The following TRUB2 variants were observed in gnomAD, a reference collection of about 807,000 sequenced individuals.
TRUB2 encodes the protein TruB pseudouridine synthase family member 2, also known as pseudouridylate synthase TRUB2, mitochondrial.
In TRUB2, 31 loss-of-function variants were observed where a neutral mutation model predicts 31.9. The ratio of observed to expected loss-of-function variants is 0.97; its 90% CI spans 0.73 to 1.31. The LOEUF (loss-of-function observed/expected upper bound fraction) is 1.31, where lower values mean the gene tolerates loss of function less well. Ranked by LOEUF, TRUB2 falls within the 50% of genes most tolerant of loss-of-function variation. TRUB2 has a pLI of 0.00. For missense variants in TRUB2, 451 were observed against 439.6 expected (o/e 1.03, Z -0.23); for synonymous variants, 201 against 182.6 (o/e 1.10, Z -0.81).
intron 2 of TRUB2, among the ~76,000 whole-genome samples, chr9:128,318,990 T>C (rs1006673378): frequency 6.6e-6 from 1 of 151,948 alleles, no homozygotes; most frequent in South Asian, 2.1e-4. Context: ...AATACTAGCA[T>C]GGGCAACGTG....
At chr9:128,312,740 G>A (rs1831994881) in intron 5 of TRUB2, among the ~76,000 whole-genome samples, 1 of 151,282 alleles carries the variant, frequency 6.6e-6, no homozygotes, top group African/African-American at 2.4e-5. Context: ...TCAGCCTCCT[G>A]AGTAGCTGGG....
chr9:128,320,646 G>A (rs543619645), intron 2 of TRUB2, among the ~76,000 whole-genome samples: 1 of 152,076 alleles, frequency 6.6e-6, no homozygotes, highest in Admixed American at 6.5e-5. Context: ...GTATTCTCTT[G>A]TAGAAGTAGG....
chr9:128,311,473 A>G (rs373299431), intron 6 of TRUB2, 56 bp downstream of exon 6: 9 of 1,569,874 alleles, frequency 5.7e-6, no homozygotes, highest in African/African-American at 1.4e-5. Flanking sequence ...GGGGGAGCCT[A>G]CGGGAGCCAA....
intron 5 of TRUB2, among the ~76,000 whole-genome samples, chr9:128,312,418 G>A (rs1430743415): frequency 3.3e-5 from 5 of 150,042 alleles, no homozygotes; most frequent in Admixed American, 3.3e-4. Flanking sequence ...GATTACAGGC[G>A]TGAGCCACCG....
rs1456157438 is a variant in TRUB2 at position 128,312,236 on chromosome 9, C to T, written c.461-635G>A. ...CACTACAAGCTCCGCCTCCTGGAGT[C>T]AAGCAATTCTCCTGCCTCAGCCTCC... On this transcript the variant is annotated intron_variant, in intron 5 of 7. Coordinates refer to ENST00000372890, the MANE Select transcript of TRUB2 (RefSeq NM_015679.3). 3.4e-5 allele frequency among the ~76,000 whole-genome samples: 5 copies of T among 148,670 alleles called. No homozygotes were observed. In the East Asian group the frequency reaches 1.0e-3, roughly 30 times the overall value.
chr9:128,321,851 C>G (rs1258042553), intron 1 of TRUB2, 121 bp from the exon 2 acceptor site: 1 of 1,096,846 alleles, frequency 9.1e-7, no homozygotes, highest in Non-Finnish European at 1.3e-6. Flanking sequence ...GCCATCATAG[C>G]TCACTGTAAC....
In TRUB2 at chr9:128,317,203, G is replaced by T; in HGVS notation, c.265C>A (p.Leu89Ile). The stretch of plus-strand genomic sequence containing the variant: ...AACCGATGTCCCACGCCAACCTTGA[G>T]ATGGGCGAATGCTGGTCCACATACT... ...PLVCGPAFAHLKVGVGHRLDA... is the reference protein window; with the variant it reads ...PLVCGPAFAHIKVGVGHRLDA... The change falls in exon 3 of 8, where the codon CTC becomes ATC. Residue 89 changes from leucine (L) to isoleucine (I), a missense_variant. Leu to Ile is a conservative substitution (Grantham distance 5). Coordinates refer to ENST00000372890, the MANE Select transcript of TRUB2 (RefSeq NM_015679.3). 6.3e-7 allele frequency: 1 copy of T among 1,595,448 alleles called. No individual in the cohort carries two copies. The highest frequency in any genetic ancestry group is 2.3e-5 in the East Asian group (1 of 44,346).
At chr9:128,309,952 G>A in intron 7 of TRUB2, 77 bp from the exon 8 acceptor site, 1 of 1,475,280 alleles carries the variant, frequency 6.8e-7, no homozygotes, top group East Asian at 2.3e-5. Context: ...CACACCCCTT[G>A]GATACCTCCT....
chr9:128,309,628 C>T lies in TRUB2; in HGVS notation c.918G>A (p.Gln306=). 1 of 1,614,126 alleles carries T rather than the reference C, an allele frequency of 6.2e-7. No homozygotes were observed. Among genetic ancestry groups the T allele is most frequent in the South Asian group, 1.1e-5 (1 of 91,080 alleles). The change falls in exon 8 of 8, where the codon CAG becomes CAA. Residue 306 remains glutamine (Q), a synonymous_variant. Coordinates refer to ENST00000372890, the MANE Select transcript of TRUB2 (RefSeq NM_015679.3). ...KSLSPGLDTK[Q]LPSPGWSWDS... ...CCCAGGACCATCCCGGACTGGGGAG[C>T]TGCTTGGTGTCCAGCCCCGGGCTCA...
intron 6 of TRUB2, 95 bp from the exon 7 acceptor site, chr9:128,311,118 C>G: frequency 6.5e-7 from 1 of 1,528,102 alleles, no homozygotes; most frequent in Non-Finnish European, 8.9e-7. Flanking sequence ...GCTTTGTGTG[C>G]CCTGCCACCG....
At position 128,309,621 on chromosome 9, in the gene TRUB2, T is replaced by C. The variant is rs1831929453; in HGVS notation, c.925A>G (p.Ser309Gly). Reference sequence around the variant, plus strand: ...TGGGAGTCCCAGGACCATCCCGGACTGGGGAGCTGCTTGGTGTCCAGCCCC... The same window carrying C: ...TGGGAGTCCCAGGACCATCCCGGACCGGGGAGCTGCTTGGTGTCCAGCCCC... ...SPGLDTKQLP[S>G]PGWSWDSQGP... Residue 309 changes from serine to glycine, a missense_variant, in exon 8 of 8, where the codon AGT becomes GGT. Transcript: ENST00000372890. The C allele has an allele frequency of 6.2e-7, 1 of 1,614,010 alleles. No individual in the cohort carries two copies. Among genetic ancestry groups the C allele is most frequent in the Admixed American group, 1.7e-5 (1 of 59,980 alleles).
rs11539570 is a variant in TRUB2, at chr9:128,322,349, C to T, written c.60G>A (p.Gly20=). 4.4e-4 allele frequency: 717 copies of T among 1,614,170 alleles called. 3 individuals carry two copies. In the African/African-American group the frequency reaches 8.8e-3, roughly 20 times the overall value. The change falls in exon 1 of 8, where the codon GGG becomes GGA. Residue 20 remains glycine (G), a synonymous_variant. Coordinates refer to ENST00000372890, the MANE Select transcript of TRUB2 (RefSeq NM_015679.3). ...HGLFAVYKPP[G]LKWKHLRDTV... ...TATCCCGCAGGTGCTTCCATTTTAGCCCCGGGGGCTTATAGACCGCGAAAA... is the reference window on the plus strand; with the variant it reads ...TATCCCGCAGGTGCTTCCATTTTAGTCCCGGGGGCTTATAGACCGCGAAAA...
chr9:128,311,335 C>T, intron 6 of TRUB2, 194 bp downstream of exon 6: 1 of 651,092 alleles, frequency 1.5e-6, no homozygotes, highest in Non-Finnish European at 2.7e-6. Context: ...TCTTGCTCTT[C>T]TTGGCCTCCC....
chr9:128,309,232 G>A lies in TRUB2; in HGVS notation c.*318C>T. The A allele has an allele frequency of 2.9e-6, 1 of 339,300 alleles. No individual in the cohort carries two copies. Among genetic ancestry groups the A allele is most frequent in the Non-Finnish European group, 5.5e-6 (1 of 182,064 alleles). 21.0% of individuals were successfully genotyped at this position (339,300 alleles called of 1,614,324 possible). A position where few individuals can be genotyped will look rare whatever the true frequency, so the allele number is the denominator to read the frequency against. ...AGTGGCTATTCACAGGCGCCGTCTA[G>A]CGCACTACAACCTTAAACTCCTGGG... On this transcript the variant is annotated 3_prime_UTR_variant, in exon 8 of 8. Coordinates refer to ENST00000372890, the MANE Select transcript of TRUB2 (RefSeq NM_015679.3).
In TRUB2 at chr9:128,314,770, G is replaced by A. The variant is rs550570181; in HGVS notation, c.378+797C>T. On this transcript the variant is annotated intron_variant, in intron 4 of 7. Coordinates refer to ENST00000372890, the MANE Select transcript of TRUB2 (RefSeq NM_015679.3). ...AAAAAATTTTGTAAATAGAGATGGA[G>A]TCTTGCTATGTTGCCCAGACTGGTC... Among the ~76,000 whole-genome samples the A allele has an allele frequency of 3.3e-5, 5 of 152,198 alleles. No individual in the cohort carries two copies. In the East Asian group the frequency reaches 9.6e-4, roughly 29 times the overall value.
intron 2 of TRUB2, among the ~76,000 whole-genome samples, chr9:128,320,568 G>A (rs1387910285): frequency 6.6e-6 from 1 of 151,978 alleles, no homozygotes; most frequent in Admixed American, 6.6e-5. Context: ...CCGACCTCAG[G>A]TGATCTGCTC....
intron 4 of TRUB2, 22 bp from the exon 5 acceptor site, chr9:128,313,911 G>T: frequency 6.2e-7 from 1 of 1,611,418 alleles, no homozygotes; most frequent in Non-Finnish European, 8.5e-7. Context: ...GGGAGGTAAA[G>T]ATCCGTCAGT....
In TRUB2 at chr9:128,313,862, T is replaced by C; in HGVS notation, c.406A>G (p.Lys136Glu). The C allele has an allele frequency of 6.2e-7, 1 of 1,614,220 alleles. No individual in the cohort carries two copies. Among genetic ancestry groups the C allele is most frequent in the Non-Finnish European group, 8.5e-7 (1 of 1,180,022 alleles). The change falls in exon 5 of 8, where the codon AAA becomes GAA. Residue 136 changes from lysine to glutamate, a missense_variant. By Grantham distance (56) the Lys-to-Glu change is moderately conservative. Transcript: ENST00000372890. ...TCCTCACGGAAGTCATCTGTAGCTT[T>C]GCCCAGGAGGCCACGCACTGTGTAA... is the stretch of plus-strand genomic sequence containing the variant. Reference protein sequence around the residue: ...KDYTVRGLLGKATDDFREDGR... With the variant: ...KDYTVRGLLGEATDDFREDGR...
rs912767143 is a variant in TRUB2, at chr9:128,307,338, G to C, written c.*2212C>G. 1 of 151,572 alleles carries C rather than the reference G, an allele frequency of 6.6e-6. No homozygotes were observed. Among genetic ancestry groups the C allele is most frequent in the Non-Finnish European group, 1.5e-5 (1 of 67,842 alleles). 9.4% of individuals were successfully genotyped at this position (151,572 alleles called of 1,614,324 possible). A position where few individuals can be genotyped will look rare whatever the true frequency, so the allele number is the denominator to read the frequency against. On this transcript the variant is annotated 3_prime_UTR_variant, in exon 8 of 8. Transcript: ENST00000372890. ...CGCCTGTAGTCCCAGCTATTCTGGA[G>C]GGTGAGGTGGGAAGATGGTTGAGCC...
Sources: gnomAD v4.1 joint callset for allele counts (sites outside exome capture counted in the v4.1 genomes callset) on GRCh38, gnomAD v4.1.1 for gene constraint, MANE v1.5 for transcripts, NCBI Gene and HGNC (gene_info 2026-07-23, HGNC 2026-07-21) for gene names.